The following KCNMA1 variants were observed in gnomAD, a reference collection of about 807,000 sequenced individuals.
KCNMA1 encodes the protein Calcium-activated potassium channel subunit alpha-1.
In KCNMA1, 29 loss-of-function variants were observed where a neutral mutation model predicts 140.0. The observed-to-expected ratio is 0.21, with a 90% CI of 0.15 to 0.28. The LOEUF (loss-of-function observed/expected upper bound fraction) is 0.28. Among genes scored for constraint, KCNMA1 ranks in the 10% least tolerant of loss-of-function variants. The pLI, the probability that KCNMA1 is intolerant of heterozygous loss-of-function variation, is 1.00. For synonymous variants in KCNMA1, 612 were observed against 611.9 expected, an observed-to-expected ratio of 1.00 and a Z score of 0.00; for missense variants, 880 against 1,602.2, an observed-to-expected ratio of 0.55 and a Z score of 7.70.
At chr10:76,900,677 A>G (rs1465007805) in intron 25 of KCNMA1, among the ~76,000 whole-genome samples, 2 of 152,138 alleles carry the variant, frequency 1.3e-5, no homozygotes, top group African/African-American at 2.4e-5. Context: ...TGAATTCACT[A>G]TATAAAATAT....
At chr10:76,978,069 C>T (rs1006111658) in intron 19 of KCNMA1, among the ~76,000 whole-genome samples, 3 of 152,230 alleles carry the variant, frequency 2.0e-5, no homozygotes, top group African/African-American at 7.2e-5. Flanking sequence ...TAGATTTAAA[C>T]CTCTGCACAA....
At chr10:76,919,976 T>G (rs1590672479) in intron 23 of KCNMA1, among the ~76,000 whole-genome samples, 1 of 129,262 alleles carries the variant, frequency 7.7e-6, no homozygotes, top group Non-Finnish European at 1.6e-5. Flanking sequence ...GAGAAGGCAA[T>G]GAGCATTGTG....
Position 77,555,057 on chromosome 10 carries a change from T to TACACACACACACACACACACACACACAC in KCNMA1, c.378+82207_378+82208insGTGTGTGTGTGTGTGTGTGTGTGTGTGT, listed in dbSNP as rs111952376. ...TGATCATCTCTTCACTCTTACCACA[T>TACACACACACACACACACACACACACAC]ACACACACGCACGCACACCACAGGA... On this transcript the variant is annotated intron_variant, in intron 1 of 27. Coordinates refer to ENST00000286628, the MANE Select transcript of KCNMA1 (RefSeq NM_001161352.2). Among the ~76,000 whole-genome samples, 418 of 151,536 alleles carry TACACACACACACACACACACACACACAC rather than the reference T, an allele frequency of 2.8e-3. 7 individuals are homozygous for TACACACACACACACACACACACACACAC. The highest frequency in any genetic ancestry group is 0.025 in the South Asian group (119 of 4,816).
At chr10:77,354,392 A>T (rs930370162) in intron 2 of KCNMA1, 2 of 152,114 alleles carry the variant, frequency 1.3e-5, no homozygotes, top group African/African-American at 2.4e-5. Context: ...GGCTTTGGAT[A>T]TTTCTTCCTC....
At chr10:77,603,723 G>A (rs1567815001) in intron 1 of KCNMA1, among the ~76,000 whole-genome samples, 1 of 152,068 alleles carries the variant, frequency 6.6e-6, no homozygotes, top group Admixed American at 6.5e-5. Flanking sequence ...CCACAACCCA[G>A]CCCCCAGGGC....
intron 1 of KCNMA1, among the ~76,000 whole-genome samples, chr10:77,425,113 A>ATGAG (rs2096953619): frequency 1.7e-4 from 20 of 117,136 alleles, no homozygotes; most frequent in African/African-American, 8.0e-4. Context: ...GGATGAGTGG[A>ATGAG]TGGATGGATG....
intron 24 of KCNMA1, chr10:76,913,036 A>C (rs2051016051): frequency 6.6e-6 from 1 of 152,190 alleles, no homozygotes; most frequent in African/African-American, 2.4e-5. Flanking sequence ...TGAGTGGTGG[A>C]CAATTTATTC....
chr10:77,438,281 C>T (rs776590478), intron 1 of KCNMA1, among the ~76,000 whole-genome samples: 10 of 152,038 alleles, frequency 6.6e-5, no homozygotes, highest in Non-Finnish European at 1.5e-4. Flanking sequence ...TTCTAAAAAA[C>T]GTAGTACCAA....
intron 16 of KCNMA1, chr10:77,021,144 T>C (rs972827907): frequency 6.6e-6 from 1 of 152,200 alleles, no homozygotes; most frequent in Non-Finnish European, 1.5e-5. Flanking sequence ...GATGAAATTA[T>C]AGGGTAAAGA....
chr10:76,974,397 T>G, intron 19 of KCNMA1: 2 of 770,338 alleles, frequency 2.6e-6, no homozygotes, highest in East Asian at 5.5e-5. Flanking sequence ...TGCATCGCTC[T>G]TCTTCAACTG....
intron 1 of KCNMA1, among the ~76,000 whole-genome samples, chr10:77,571,655 A>C (rs902152508): frequency 6.6e-6 from 1 of 152,098 alleles, no homozygotes; most frequent in East Asian, 1.9e-4. Context: ...TTCAGACAGA[A>C]ATCTCATTTC....
Position 77,272,687 on chromosome 10 carries a change from C to T in KCNMA1, c.541-21431G>A, listed in dbSNP as rs143979150. Among the ~76,000 whole-genome samples the T allele has an allele frequency of 3.3e-5, 5 of 151,874 alleles. No homozygotes were observed. The East Asian group carries it at 7.7e-4, about 23-fold the overall frequency. On this transcript the variant is annotated intron_variant, in intron 2 of 27. Transcript: ENST00000286628. ...ATATATGTGTATTATGTTTCTCATCCTAATTAAATGAAGCTATTTTTGCAA... is the reference window on the plus strand; with the variant it reads ...ATATATGTGTATTATGTTTCTCATCTTAATTAAATGAAGCTATTTTTGCAA...
At chr10:77,097,441 A>T (rs1036618883) in intron 9 of KCNMA1, among the ~76,000 whole-genome samples, 31 of 152,208 alleles carry the variant, frequency 2.0e-4, no homozygotes, top group Non-Finnish European at 8.8e-5. Flanking sequence ...GGCTTTCAGG[A>T]ACTATTTGTT....
chr10:77,582,272 C>T (rs1405255978), intron 1 of KCNMA1, among the ~76,000 whole-genome samples: 1 of 152,228 alleles, frequency 6.6e-6, no homozygotes, highest in Non-Finnish European at 1.5e-5. Context: ...AGTTATTTAA[C>T]CTCTTCATAT....
In KCNMA1 at chr10:77,109,029, C is replaced by T. The variant is rs571871613; in HGVS notation, c.1132-457G>A. 3.3e-5 allele frequency among the ~76,000 whole-genome samples: 5 copies of T among 149,750 alleles called. No homozygotes were observed. The South Asian group carries it at 6.4e-4, about 19-fold the overall frequency. On this transcript the variant is annotated intron_variant, in intron 8 of 27. Coordinates refer to ENST00000286628, the MANE Select transcript of KCNMA1 (RefSeq NM_001161352.2). ...TATGAGTGACAAAAGAAAATAAACA[C>T]CAAAAGATTAAAAACTACATTTTTC... is the stretch of plus-strand genomic sequence containing the variant.
chr10:77,059,954 A>T (rs2095676447), intron 14 of KCNMA1, among the ~76,000 whole-genome samples: 1 of 152,166 alleles, frequency 6.6e-6, no homozygotes, highest in Admixed American at 6.5e-5. Flanking sequence ...TTTTTTTAAG[A>T]TGTCATTTAT....
At chr10:77,577,536 T>C (rs2074577450) in intron 1 of KCNMA1, among the ~76,000 whole-genome samples, 1 of 152,144 alleles carries the variant, frequency 6.6e-6, no homozygotes, top group Non-Finnish European at 1.5e-5. Flanking sequence ...CATCAAGCAA[T>C]ATAATTGCAC....
intron 23 of KCNMA1, among the ~76,000 whole-genome samples, chr10:76,925,985 G>T (rs908329763): frequency 6.6e-6 from 1 of 152,182 alleles, no homozygotes; most frequent in Non-Finnish European, 1.5e-5. Flanking sequence ...TAGCACCAAG[G>T]TTCCAAACAG....
At chr10:77,364,301 A>G (rs760186538) in intron 2 of KCNMA1, among the ~76,000 whole-genome samples, 1 of 151,992 alleles carries the variant, frequency 6.6e-6, no homozygotes, top group African/African-American at 2.4e-5. Context: ...AAATACAAAA[A>G]TTAGCCAGGT....
Sources: gnomAD v4.1 joint callset for allele counts (sites outside exome capture counted in the v4.1 genomes callset) on GRCh38, gnomAD v4.1.1 for gene constraint, MANE v1.5 for transcripts, NCBI Gene and HGNC (gene_info 2026-07-23, HGNC 2026-07-21) for gene names.